The following RAD51 variants were observed in gnomAD, a reference collection of about 807,000 sequenced individuals.
The protein encoded by RAD51 is RAD51 recombinase.
A neutral mutation model predicts 41.5 loss-of-function variants in RAD51; 14 were observed. The ratio of observed to expected loss-of-function variants is 0.34; its 90% CI spans 0.22 to 0.53. RAD51 has a LOEUF of 0.53. Ranked by LOEUF, RAD51 falls within the 20% of genes least tolerant of loss-of-function variation. The probability of loss-of-function intolerance (pLI) is 0.95; values close to 1 mark genes in which losing one functional copy is unlikely to be tolerated. For synonymous variants in RAD51, 136 were observed against 148.6 expected (o/e 0.92, Z 0.62); for missense variants, 234 against 422.0 (o/e 0.55, Z 3.90).
intron 6 of RAD51, 105 bp downstream of exon 6, chr15:40,719,004 C>G: frequency 9.7e-7 from 1 of 1,031,322 alleles, no homozygotes; most frequent in South Asian, 1.3e-5. Flanking sequence ...CCCCACGTCC[C>G]AAAGTTGTAT....
At chr15:40,698,729 T>C (rs1431898960) in intron 1 of RAD51, 28 bp from the exon 2 acceptor site, 10 of 1,586,850 alleles carry the variant, frequency 6.3e-6, no homozygotes, top group Admixed American at 5.0e-5. Flanking sequence ...CTCTAGTGTT[T>C]ATACTGATAA....
At chr15:40,723,019 A>T (rs1411764720) in intron 6 of RAD51, among the ~76,000 whole-genome samples, 1 of 152,238 alleles carries the variant, frequency 6.6e-6, no homozygotes, top group East Asian at 1.9e-4. Flanking sequence ...ATAAAAAGAT[A>T]ACCCAGTTGT....
intron 6 of RAD51, among the ~76,000 whole-genome samples, chr15:40,719,139 C>A (rs1896136711): frequency 1.3e-5 from 2 of 151,298 alleles, no homozygotes; most frequent in South Asian, 4.2e-4. Context: ...GTCACTGCAA[C>A]CTCTGCCTCC....
chr15:40,727,004 G>C (rs974327909), intron 6 of RAD51, among the ~76,000 whole-genome samples: 1 of 152,072 alleles, frequency 6.6e-6, no homozygotes, highest in Admixed American at 6.6e-5. Flanking sequence ...AAGCACAGAG[G>C]TTCCCATAGT....
intron 5 of RAD51, among the ~76,000 whole-genome samples, chr15:40,718,104 G>T (rs1020277079): frequency 6.6e-6 from 1 of 152,026 alleles, no homozygotes; most frequent in African/African-American, 2.4e-5. Context: ...CACACCTATG[G>T]TCTCAGCTAT....
At chr15:40,706,771 A>T (rs1895370397) in intron 4 of RAD51, among the ~76,000 whole-genome samples, 1 of 152,220 alleles carries the variant, frequency 6.6e-6, no homozygotes, top group Non-Finnish European at 1.5e-5. Context: ...GACCTTATTT[A>T]TAAAATACTA....
intron 5 of RAD51, among the ~76,000 whole-genome samples, chr15:40,713,003 C>T (rs1326434220): frequency 1.4e-4 from 21 of 150,876 alleles, no homozygotes; most frequent in African/African-American, 4.6e-4. Flanking sequence ...CTCAGCCTCC[C>T]GAATAGCTGG....
intron 5 of RAD51, among the ~76,000 whole-genome samples, chr15:40,713,920 TTATGAGACAGCCAAG>T (rs1895851608): frequency 6.6e-6 from 1 of 151,906 alleles, no homozygotes; most frequent in African/African-American, 2.4e-5. Flanking sequence ...GCCATATGTC[TTATGAGACAGCCAAG>T]CTAGCATGTC....
chr15:40,727,237 C>G (rs1365593999), intron 6 of RAD51, among the ~76,000 whole-genome samples: 1 of 151,976 alleles, frequency 6.6e-6, no homozygotes, highest in Non-Finnish European at 1.5e-5. Flanking sequence ...GCTGGGATTA[C>G]AAGCATGAGC....
chr15:40,715,384 A>G (rs1226819633), intron 5 of RAD51, among the ~76,000 whole-genome samples: 3 of 152,148 alleles, frequency 2.0e-5, no homozygotes, highest in African/African-American at 7.2e-5. Flanking sequence ...AAAAACCACA[A>G]AACAAAAAAA....
At chr15:40,694,835 C>A (rs561843081), upstream of RAD51, 1 of 152,224 alleles carries the variant, frequency 6.6e-6, no homozygotes, top group East Asian at 1.9e-4. Context: ...AGTCTTCCCC[C>A]ACCGCCCCCT....
At chr15:40,730,124 TG>T in intron 9 of RAD51, 150 bp downstream of exon 9, 1 of 1,167,166 alleles carries the variant, frequency 8.6e-7, no homozygotes. Context: ...ATGCTCTCGT[TG>T]GTATAGATGT....
Position 40,721,447 on chromosome 15 carries a change from C to T in RAD51, c.530+2548C>T, listed in dbSNP as rs1025949432. Among the ~76,000 whole-genome samples the T allele has an allele frequency of 7.2e-5, 11 of 152,162 alleles. 2 individuals are homozygous for T. Among genetic ancestry groups the T allele is most frequent in the East Asian group, 1.9e-4 (1 of 5,184 alleles). On this transcript the variant is annotated intron_variant, in intron 6 of 9. Transcript: ENST00000267868. ...GGCATATGGATAAATATGGAGAGTT[C>T]GGAAATGAAACCTTTATGGTCACTT... is the stretch of plus-strand genomic sequence containing the variant.
At chr15:40,700,810 A>G (rs555524545) in intron 2 of RAD51, among the ~76,000 whole-genome samples, 5 of 152,310 alleles carry the variant, frequency 3.3e-5, no homozygotes, top group Admixed American at 6.5e-5. Context: ...AAAAAAAAGT[A>G]TACAGGAGGA....
At chr15:40,701,368 TTTTC>T (rs902678386) in intron 3 of RAD51, among the ~76,000 whole-genome samples, 167 bp downstream of exon 3, 1 of 138,166 alleles carries the variant, frequency 7.2e-6, no homozygotes, top group Non-Finnish European at 1.5e-5. Context: ...TTTCTTTTTT[TTTTC>T]TTTCTTTTTT....
chr15:40,710,786 C>T (rs1895667363), intron 5 of RAD51, among the ~76,000 whole-genome samples: 1 of 152,028 alleles, frequency 6.6e-6, no homozygotes, highest in South Asian at 2.1e-4. Flanking sequence ...AGAAAGTGTC[C>T]CTTTTCTTCT....
intron 5 of RAD51, among the ~76,000 whole-genome samples, chr15:40,715,792 CCT>C (rs1344929809): frequency 6.6e-6 from 1 of 152,200 alleles, no homozygotes; most frequent in Middle Eastern, 3.2e-3. Context: ...AAAAGAATCC[CCT>C]GTCATGTTAG....
At chr15:40,730,515 T>TTTTTCTTTTTTTTTTTTTG (rs59588002) in intron 9 of RAD51, among the ~76,000 whole-genome samples, 1 of 117,700 alleles carries the variant, frequency 8.5e-6, no homozygotes, top group East Asian at 3.1e-4. Flanking sequence ...GAAAAAATTT[T>TTTTTCTTTTTTTTTTTTTG]TTTTCTTTTT....
rs1007484706 is a variant in RAD51 at position 40,719,926 on chromosome 15, A to G, written c.530+1027A>G. ...AGATATAACAGTTGTAAAGATACAC[A>G]CACGCCTAACAACAAAACCCCAAAA... On this transcript the variant is annotated intron_variant, in intron 6 of 9. Transcript: ENST00000267868. Among the ~76,000 whole-genome samples the G allele has an allele frequency of 2.6e-4, 40 of 152,174 alleles. 1 individual carries two copies. The highest frequency in any genetic ancestry group is 8.2e-4 in the African/African-American group (34 of 41,446).
Sources: gnomAD v4.1 joint callset for allele counts (sites outside exome capture counted in the v4.1 genomes callset) on GRCh38, gnomAD v4.1.1 for gene constraint, MANE v1.5 for transcripts, NCBI Gene and HGNC (gene_info 2026-07-23, HGNC 2026-07-21) for gene names.